The following CCDC171 variants were observed in gnomAD, a reference collection of about 807,000 sequenced individuals.
The protein encoded by CCDC171 is coiled-coil domain containing 171.
Under a neutral mutation model 168.2 loss-of-function variants are expected in CCDC171, and 177 were observed. The observed-to-expected ratio is 1.05, with a 90% CI of 0.93 to 1.19. The LOEUF (loss-of-function observed/expected upper bound fraction) is 1.19. CCDC171 is among the 50% of genes most tolerant of loss of function. The probability of loss-of-function intolerance (pLI) is 0.00; values close to 1 mark genes in which losing one functional copy is unlikely to be tolerated. For synonymous variants in CCDC171, 687 were observed against 540.8 expected (o/e 1.27, Z -3.75); for missense variants, 1,991 against 1,539.0 (o/e 1.29, Z -4.91).
chr9:15,671,286 T>C (rs1249514184), intron 9 of CCDC171, among the ~76,000 whole-genome samples: 1 of 152,180 alleles, frequency 6.6e-6, no homozygotes, highest in African/African-American at 2.4e-5. Flanking sequence ...TTCTAAGAGA[T>C]GTTCCTCCTG....
chr9:15,962,609 G>A (rs1326089532), intron 25 of CCDC171, among the ~76,000 whole-genome samples: 1 of 151,860 alleles, frequency 6.6e-6, no homozygotes, highest in Non-Finnish European at 1.5e-5. Context: ...ACTTGTGGGG[G>A]TTACCATTTT....
chr9:16,039,572 G>A (rs1833538174), upstream of CCDC171, among the ~76,000 whole-genome samples: 1 of 152,176 alleles, frequency 6.6e-6, no homozygotes, highest in Admixed American at 6.5e-5. Context: ...CCCCAGGAAG[G>A]TAGGTGGCGC....
At chr9:15,919,792 T>G (rs1825062380) in intron 24 of CCDC171, among the ~76,000 whole-genome samples, 1 of 151,658 alleles carries the variant, frequency 6.6e-6, no homozygotes. Flanking sequence ...AGAATCACAT[T>G]TACTCTTAAA....
chr9:15,905,571 G>A (rs1006209049), intron 24 of CCDC171, among the ~76,000 whole-genome samples: 14 of 152,054 alleles, frequency 9.2e-5, no homozygotes, highest in Non-Finnish European at 1.6e-4. Flanking sequence ...GAGAAAGCAG[G>A]AAAGATCTAA....
At chr9:15,814,345 A>G (rs1019686742) in intron 21 of CCDC171, among the ~76,000 whole-genome samples, 2 of 152,176 alleles carry the variant, frequency 1.3e-5, no homozygotes, top group South Asian at 4.1e-4. Flanking sequence ...TGTTAAAAAC[A>G]AGATTTTGGC....
At chr9:15,879,409 T>G (rs1289002245) in intron 24 of CCDC171, among the ~76,000 whole-genome samples, 2 of 152,202 alleles carry the variant, frequency 1.3e-5, no homozygotes, top group African/African-American at 4.8e-5. Flanking sequence ...TGGTTATCTG[T>G]CCCCTCGAAT....
At chr9:15,638,115 G>A (rs926749289) in intron 7 of CCDC171, among the ~76,000 whole-genome samples, 1 of 152,030 alleles carries the variant, frequency 6.6e-6, no homozygotes, top group African/African-American at 2.4e-5. Flanking sequence ...GATAATACCA[G>A]GTCTCTGCTT....
At chr9:15,588,118 C>A (rs925098886) in intron 4 of CCDC171, among the ~76,000 whole-genome samples, 1 of 152,036 alleles carries the variant, frequency 6.6e-6, no homozygotes, top group African/African-American at 2.4e-5. Flanking sequence ...GCCTGTAATC[C>A]CAGCTACTCG....
chr9:15,658,480 C>A, intron 8 of CCDC171, among the ~76,000 whole-genome samples: 1 of 152,176 alleles, frequency 6.6e-6, no homozygotes, highest in East Asian at 1.9e-4. Flanking sequence ...TCAAAGATGT[C>A]CACATCTGCC....
intron 9 of CCDC171, among the ~76,000 whole-genome samples, chr9:15,677,899 TATATATATATATATATATATATATATAA>T (rs1198904079): frequency 1.5e-4 from 3 of 19,480 alleles, no homozygotes; most frequent in East Asian, 6.4e-3. Flanking sequence ...TATATATATA[TATATATATATATATATATATATATATAA>T]GAGATGTGGT....
At chr9:15,870,060 C>G (rs2061969311) in intron 23 of CCDC171, among the ~76,000 whole-genome samples, 1 of 151,772 alleles carries the variant, frequency 6.6e-6, no homozygotes, top group Admixed American at 6.6e-5. Context: ...GTCATTGTAA[C>G]AGGAAAGCAG....
chr9:16,039,607 C>T (rs1296190524), upstream of CCDC171, among the ~76,000 whole-genome samples: 1 of 152,200 alleles, frequency 6.6e-6, no homozygotes, highest in African/African-American at 2.4e-5. Context: ...GTCTAGCCTC[C>T]TTCTGCTGTG....
intron 1 of CCDC171, among the ~76,000 whole-genome samples, chr9:15,563,214 C>G (rs1350730298): frequency 2.0e-5 from 3 of 151,442 alleles, no homozygotes; most frequent in East Asian, 1.9e-4. Context: ...TCTTGGCTCA[C>G]TGCAACCTCC....
intron 24 of CCDC171, among the ~76,000 whole-genome samples, chr9:15,909,996 C>G (rs1823374875): frequency 6.6e-6 from 1 of 152,176 alleles, no homozygotes; most frequent in African/African-American, 2.4e-5. Context: ...TTATTCCACT[C>G]TGTACTTCCA....
intron 3 of CCDC171, among the ~76,000 whole-genome samples, chr9:16,002,482 G>C (rs1240951845): frequency 6.6e-6 from 1 of 152,006 alleles, no homozygotes. Flanking sequence ...AAATAGTTTT[G>C]TACAACTGTA....
downstream of CCDC171, among the ~76,000 whole-genome samples, chr9:15,976,393 G>T (rs2132853812): frequency 6.6e-6 from 1 of 152,094 alleles, no homozygotes; most frequent in African/African-American, 2.4e-5. Context: ...AATAAACAGT[G>T]ATTATATTGG....
At chr9:15,793,587 G>C (rs13287520) in intron 21 of CCDC171, among the ~76,000 whole-genome samples, 1 of 94,336 alleles carries the variant, frequency 1.1e-5, no homozygotes, top group East Asian at 3.4e-4. Context: ...TTTTGAGACA[G>C]AGTCTCACTC....
intron 10 of CCDC171, among the ~76,000 whole-genome samples, chr9:15,693,393 A>G (rs1203587771): frequency 1.3e-5 from 2 of 152,140 alleles, no homozygotes; most frequent in Admixed American, 6.5e-5. Flanking sequence ...ATAACATGCT[A>G]TAATTAACTA....
chr9:16,028,379 G>C (rs905768590), intron 6 of CCDC171, among the ~76,000 whole-genome samples: 1 of 152,130 alleles, frequency 6.6e-6, no homozygotes, highest in Non-Finnish European at 1.5e-5. Flanking sequence ...TCAGCGATGT[G>C]GGTACTAAAG....
Sources: allele counts gnomAD v4.1 joint callset (sites outside exome capture counted in the v4.1 genomes callset), GRCh38; gene constraint gnomAD v4.1.1; transcripts MANE v1.5; gene names NCBI Gene and HGNC (gene_info 2026-07-23, HGNC 2026-07-21).